Variants in CHST9 observed in about 807,000 individuals in gnomAD.
CHST9 encodes the protein GalNAc-4-sulfotransferase 2.
Under a neutral mutation model 44.4 loss-of-function variants are expected in CHST9, and 41 were observed. That is an observed-to-expected ratio of 0.92 (90% CI 0.72 to 1.20). CHST9 has a LOEUF of 1.20. Ranked by LOEUF, CHST9 falls within the 50% of genes most tolerant of loss-of-function variation. CHST9 has a pLI of 0.00. For missense variants in CHST9, 504 were observed against 516.5 expected, an observed-to-expected ratio of 0.98 and a Z score of 0.23; for synonymous variants, 171 against 178.4, an observed-to-expected ratio of 0.96 and a Z score of 0.33.
intron 3 of CHST9, among the ~76,000 whole-genome samples, chr18:27,046,745 G>A (rs1843474): frequency 0.97 from 148,089 of 152,136 alleles, 72,176 homozygotes; most frequent in East Asian, 1. Context: ...TCCTGATGGC[G>A]TGATTTGTTG....
chr18:26,972,323 C>T (rs1358513140), intron 4 of CHST9, among the ~76,000 whole-genome samples: 1 of 140,182 alleles, frequency 7.1e-6, no homozygotes, highest in Non-Finnish European at 1.5e-5. Flanking sequence ...CACCACTGCA[C>T]TCCAGCCCAG....
chr18:26,968,015 C>T (rs183226567), intron 4 of CHST9, among the ~76,000 whole-genome samples: 2 of 152,302 alleles, frequency 1.3e-5, no homozygotes, highest in Non-Finnish European at 2.9e-5. Context: ...GGCCTTCGGC[C>T]GCAGACTGAA....
intron 4 of CHST9, among the ~76,000 whole-genome samples, chr18:26,945,772 G>T (rs1208214859): frequency 6.6e-6 from 1 of 152,122 alleles, no homozygotes; most frequent in Non-Finnish European, 1.5e-5. Flanking sequence ...ATTTCTCTGG[G>T]ATAAATGTCC....
chr18:27,000,581 T>G (rs948880395), intron 4 of CHST9, among the ~76,000 whole-genome samples: 1 of 151,496 alleles, frequency 6.6e-6, no homozygotes, highest in Non-Finnish European at 1.5e-5. Flanking sequence ...TTAAAGCCTT[T>G]TTCATTGTAC....
chr18:26,971,727 C>T (rs1428937623), intron 4 of CHST9, among the ~76,000 whole-genome samples: 1 of 152,126 alleles, frequency 6.6e-6, no homozygotes, highest in Non-Finnish European at 1.5e-5. Flanking sequence ...TTCTATTGGC[C>T]AAAGCAAGTC....
intron 1 of CHST9, among the ~76,000 whole-genome samples, chr18:27,169,411 T>C (rs988561585): frequency 2.0e-5 from 3 of 152,080 alleles, no homozygotes; most frequent in African/African-American, 7.2e-5. Flanking sequence ...AGGCAAAAAT[T>C]GATAGAACTA....
intron 4 of CHST9, among the ~76,000 whole-genome samples, chr18:26,974,776 T>C (rs1657319): frequency 0.64 from 97,173 of 151,480 alleles, 31,554 homozygotes; most frequent in East Asian, 0.73. Context: ...CAAGCTGAGA[T>C]GATTCTCCTG....
intron 4 of CHST9, among the ~76,000 whole-genome samples, chr18:27,001,092 C>A (rs1427408696): frequency 6.6e-6 from 1 of 152,088 alleles, no homozygotes; most frequent in Non-Finnish European, 1.5e-5. Context: ...GCAACTAACT[C>A]CCTAGGGGAA....
At chr18:26,975,672 T>TAA (rs2056610104) in intron 4 of CHST9, among the ~76,000 whole-genome samples, 1 of 125,638 alleles carries the variant, frequency 8.0e-6, no homozygotes, top group Non-Finnish European at 1.7e-5. Context: ...TATATATAAA[T>TAA]ATATGTATAT....
Position 26,916,432 on chromosome 18 carries a change from G to C in CHST9, c.1159C>G (p.Pro387Ala), listed in dbSNP as rs1314406878. The C allele has an allele frequency of 1.2e-6, 2 of 1,613,692 alleles. No individual in the cohort carries two copies. Among genetic ancestry groups the C allele is most frequent in the Admixed American group, 1.7e-5 (1 of 59,984 alleles). The change falls in exon 6 of 6, where the codon CCA becomes GCA. Residue 387 changes from proline to alanine, a missense_variant. Pro to Ala is a conservative substitution (Grantham distance 27, BLOSUM62 -1). Coordinates refer to ENST00000618847, the MANE Select transcript of CHST9 (RefSeq NM_031422.6). ...AAGTTGGGAAATTTCAGCTCCTTTG[G>C]AGCACCGATCATCTGTAAAAAGTAA... ...ANYFLQMIGA[P>A]KELKFPNFKD...
chr18:26,960,234 G>A (rs1291527793), intron 4 of CHST9, among the ~76,000 whole-genome samples: 3 of 152,128 alleles, frequency 2.0e-5, no homozygotes, highest in South Asian at 2.1e-4. Flanking sequence ...GAAGACTCTC[G>A]AGTTGAAGGG....
chr18:27,049,974 C>A (rs1281020063), intron 2 of CHST9, among the ~76,000 whole-genome samples: 1 of 152,066 alleles, frequency 6.6e-6, no homozygotes, highest in Non-Finnish European at 1.5e-5. Context: ...GGGACCTCAA[C>A]AAAGTGCAGG....
At chr18:27,126,912 C>G (rs2058429246) in intron 2 of CHST9, among the ~76,000 whole-genome samples, 1 of 152,096 alleles carries the variant, frequency 6.6e-6, no homozygotes, top group Non-Finnish European at 1.5e-5. Flanking sequence ...AGTAGACACA[C>G]TTGGGAGTAG....
intron 2 of CHST9, among the ~76,000 whole-genome samples, chr18:27,080,688 A>T (rs762849134): frequency 6.6e-6 from 1 of 152,196 alleles, no homozygotes; most frequent in Non-Finnish European, 1.5e-5. Flanking sequence ...TGAGCCACAC[A>T]CTGGAACTAG....
intron 5 of CHST9, among the ~76,000 whole-genome samples, chr18:26,942,835 C>T (rs989093263): frequency 6.6e-6 from 1 of 152,080 alleles, no homozygotes; most frequent in African/African-American, 2.4e-5. Context: ...TAAGGGCCGG[C>T]GTGGTGGCTC....
intron 4 of CHST9, among the ~76,000 whole-genome samples, chr18:27,002,326 C>G (rs2056963963): frequency 6.6e-6 from 1 of 151,980 alleles, no homozygotes; most frequent in Non-Finnish European, 1.5e-5. Context: ...AAACTGAGCT[C>G]TTTGCCAACA....
chr18:26,962,201 G>T (rs1442442827), intron 4 of CHST9, among the ~76,000 whole-genome samples: 2 of 152,010 alleles, frequency 1.3e-5, no homozygotes, highest in Admixed American at 6.6e-5. Flanking sequence ...CCAGCCTGGG[G>T]TGTTAATGAC....
intron 1 of CHST9, among the ~76,000 whole-genome samples, chr18:27,157,552 G>A (rs924443572): frequency 1.3e-5 from 2 of 152,086 alleles, no homozygotes; most frequent in African/African-American, 4.8e-5. Flanking sequence ...TCCTAATCCA[G>A]AAATCTTGGT....
intron 4 of CHST9, among the ~76,000 whole-genome samples, chr18:26,975,432 C>T (rs984182897): frequency 1.1e-4 from 16 of 151,850 alleles, no homozygotes; most frequent in African/African-American, 3.9e-4. Flanking sequence ...CCTCCCACTG[C>T]CCCCACCACT....
Sources: allele counts gnomAD v4.1 joint callset (sites outside exome capture counted in the v4.1 genomes callset), GRCh38; gene constraint gnomAD v4.1.1; transcripts MANE v1.5; gene names NCBI Gene and HGNC (gene_info 2026-07-23, HGNC 2026-07-21).